INTS6: variants seen among roughly 807,000 people sequenced by gnomAD.
INTS6 encodes the protein integrator complex subunit 6.
In INTS6, 16 loss-of-function variants were observed where a neutral mutation model predicts 104.9. The observed-to-expected ratio is 0.15, with a 90% CI of 0.10 to 0.23. The LOEUF (loss-of-function observed/expected upper bound fraction) is 0.23. Ranked by LOEUF, INTS6 falls within the 10% of genes least tolerant of loss-of-function variation. INTS6 has a pLI of 1.00. For synonymous variants in INTS6, 324 were observed against 358.7 expected, an observed-to-expected ratio of 0.90 and a Z score of 1.09; for missense variants, 584 against 1,062.8, an observed-to-expected ratio of 0.55 and a Z score of 6.26.
At chr13:51,383,783 C>G in intron 7 of INTS6, 42 bp from the exon 8 acceptor site, 1 of 1,513,774 alleles carries the variant, frequency 6.6e-7, no homozygotes, top group Non-Finnish European at 9.0e-7. Flanking sequence ...CATGAAATTT[C>G]AGAAACAAAA....
At chr13:51,368,053 A>G (rs1296600628) in intron 16 of INTS6, among the ~76,000 whole-genome samples, 155 bp from the exon 17 acceptor site, 2 of 152,172 alleles carry the variant, frequency 1.3e-5, no homozygotes, top group Non-Finnish European at 2.9e-5. Context: ...ATATTTTAAC[A>G]TATATGTAAA....
rs1230618469 is a variant in INTS6, at chr13:51,452,154, G to A, written c.112-99C>T. ...GCCCAGCGGCCCCGCCGCCCCCACAGTACCGCACACGCAGCGGCCACCCCT... is the reference window on the plus strand; with the variant it reads ...GCCCAGCGGCCCCGCCGCCCCCACAATACCGCACACGCAGCGGCCACCCCT... On this transcript the variant is annotated intron_variant, in intron 1 of 17. Coordinates refer to ENST00000311234, the MANE Select transcript of INTS6 (RefSeq NM_012141.3). The surrounding 1 kb of genome is among the most constrained non-coding windows in gnomAD (Gnocchi z 4.2). 2.7e-6 allele frequency: 3 copies of A among 1,123,240 alleles called. No individual in the cohort carries two copies. The African/African-American group carries it at 4.7e-5, about 18-fold the overall frequency. 69.6% of individuals were successfully genotyped at this position (1,123,240 alleles called of 1,614,324 possible).
intron 4 of INTS6, among the ~76,000 whole-genome samples, chr13:51,422,380 T>C (rs1258094888): frequency 6.6e-6 from 1 of 152,172 alleles, no homozygotes; most frequent in Non-Finnish European, 1.5e-5. Flanking sequence ...AGATGGACAA[T>C]GTGTAGACAG....
At chr13:51,347,315 C>A in the INTS6 span, 1 of 1,201,752 alleles carries the variant, frequency 8.3e-7, no homozygotes, top group Non-Finnish European at 1.2e-6. Flanking sequence ...CAGGTCCCTG[C>A]TCCTAAGGGA....
At chr13:51,356,944 T>C (rs1955490163), downstream of INTS6, among the ~76,000 whole-genome samples, 1 of 152,186 alleles carries the variant, frequency 6.6e-6, no homozygotes, top group Admixed American at 6.5e-5. Context: ...TGCCAGTCTG[T>C]TAATTTTCTC....
intron 4 of INTS6, among the ~76,000 whole-genome samples, chr13:51,423,694 G>C (rs945506042): frequency 6.6e-6 from 1 of 151,806 alleles, no homozygotes; most frequent in Non-Finnish European, 1.5e-5. Flanking sequence ...CATATCCCTT[G>C]GAAACCCGTT....
chr13:51,362,873 T>G lies in INTS6; in HGVS notation c.*2879A>C, dbSNP rs1955609561. 6.6e-6 allele frequency: 1 copy of G among 152,368 alleles called. No homozygotes were observed. Among genetic ancestry groups the G allele is most frequent in the Non-Finnish European group, 1.5e-5 (1 of 67,896 alleles). The allele number at this position is 152,368 out of a possible 1,614,324, so 9.4% of individuals were successfully genotyped here. On this transcript the variant is annotated 3_prime_UTR_variant, in exon 18 of 18. Transcript: ENST00000311234. Reference sequence around the variant, plus strand: ...ATATAAACCATTCACTAGAAAATAATCTATTTGGGATTATTTGGAGAGAAA... The same window carrying G: ...ATATAAACCATTCACTAGAAAATAAGCTATTTGGGATTATTTGGAGAGAAA...
chr13:51,381,380 G>C (rs1316207025), intron 10 of INTS6, among the ~76,000 whole-genome samples: 2 of 152,122 alleles, frequency 1.3e-5, no homozygotes, highest in Admixed American at 1.3e-4. Flanking sequence ...ATGTAGCCTT[G>C]TGCAAATTAT....
At chr13:51,429,762 T>G (rs1392431273) in intron 4 of INTS6, among the ~76,000 whole-genome samples, 1 of 12,914 alleles carries the variant, frequency 7.7e-5, no homozygotes, top group Non-Finnish European at 1.2e-4. Context: ...AGACTCTGTC[T>G]CAAAAAAAAA....
chr13:51,393,982 T>C (rs374193931), intron 5 of INTS6, among the ~76,000 whole-genome samples: 5 of 152,078 alleles, frequency 3.3e-5, no homozygotes, highest in African/African-American at 7.2e-5. Context: ...GAGAATGTTA[T>C]AGCCTCCAAG....
chr13:51,427,582 CAT>C (rs1491388511), intron 4 of INTS6, among the ~76,000 whole-genome samples: 13 of 152,098 alleles, frequency 8.5e-5, no homozygotes, highest in African/African-American at 2.9e-4. Flanking sequence ...CTCGTTGGTA[CAT>C]TAAGAAGAAA....
intron 4 of INTS6, among the ~76,000 whole-genome samples, chr13:51,403,543 C>G (rs2137999529): frequency 6.9e-6 from 1 of 144,480 alleles, no homozygotes; most frequent in South Asian, 2.2e-4. Context: ...GATCGCACCA[C>G]TGCACTCCAG....
rs1321353051 is a variant in INTS6 at position 51,430,270 on chromosome 13, C to A, written c.429+24G>T. On this transcript the variant is annotated intron_variant, in intron 4 of 17. Transcript: ENST00000311234. ...GATTGTTCAACTGCATTTGCATAAT[C>A]CATGTAATATAAGCACAACTTACCT... The A allele has an allele frequency of 2.5e-6, 4 of 1,586,668 alleles. No individual in the cohort carries two copies. The Admixed American group carries it at 6.7e-5, about 26-fold the overall frequency.
chr13:51,440,820 T>A (rs915186886), intron 3 of INTS6: 1 of 152,216 alleles, frequency 6.6e-6, no homozygotes, highest in Non-Finnish European at 1.5e-5. Context: ...CTCTATGATG[T>A]TCCCACAACA....
intron 11 of INTS6, 150 bp from the exon 12 acceptor site, chr13:51,378,604 G>T: frequency 2.5e-6 from 1 of 407,488 alleles, no homozygotes; most frequent in Non-Finnish European, 4.2e-6. Flanking sequence ...TCAAGTATTG[G>T]GTAAATTAAA....
rs1157311826 is a variant in INTS6, at chr13:51,354,946, C to A, written n.431-610G>T. 1.7e-5 allele frequency: 11 copies of A among 659,292 alleles called. No homozygotes were observed. In the East Asian group the frequency reaches 2.8e-4, roughly 16 times the overall value. 40.8% of individuals were successfully genotyped at this position (659,292 alleles called of 1,614,324 possible). ...TGGAAATAAATCTGGTGGAGCCAGC[C>A]TGACTTCCAAGTTAGGGATTTTGGA... On this transcript the variant is annotated intron_variant and non_coding_transcript_variant, in intron 3 of 3. Coordinates refer to the INTS6 transcript ENST00000476666.
intron 3 of INTS6, 92 bp from the exon 4 acceptor site, chr13:51,430,475 C>T (rs761518504): frequency 3.6e-6 from 3 of 844,792 alleles, no homozygotes; most frequent in Admixed American, 2.4e-5. Flanking sequence ...TATACGATCT[C>T]CCTTTCTAGT....
At chr13:51,430,245 G>C in intron 4 of INTS6, 49 bp downstream of exon 4, 2 of 1,477,142 alleles carry the variant, frequency 1.4e-6, no homozygotes, top group East Asian at 2.3e-5. Context: ...AAAAATAAAG[G>C]ATTGTTCAAC....
chr13:51,435,113 C>G (rs1411507680), intron 3 of INTS6, among the ~76,000 whole-genome samples: 1 of 151,624 alleles, frequency 6.6e-6, no homozygotes, highest in Non-Finnish European at 1.5e-5. Flanking sequence ...TAGCCTTTAT[C>G]ATAATTATAA....
Sources: allele counts gnomAD v4.1 joint callset (sites outside exome capture counted in the v4.1 genomes callset), GRCh38; gene constraint gnomAD v4.1.1; non-coding constraint Gnocchi (gnomAD v3.1); transcripts MANE v1.5; gene names NCBI Gene and HGNC (gene_info 2026-07-23, HGNC 2026-07-21).